Variants in ST6GALNAC5 observed in about 807,000 individuals in gnomAD.
The protein encoded by ST6GALNAC5 is ST6 N-acetylgalactosaminide alpha-2,6-sialyltransferase 5.
In ST6GALNAC5, 27 loss-of-function variants were observed where a neutral mutation model predicts 33.6. That is an observed-to-expected ratio of 0.80 (90% confidence interval 0.59 to 1.11). ST6GALNAC5 has a LOEUF of 1.11. Ranked by LOEUF, ST6GALNAC5 falls within the 50% of genes least tolerant of loss-of-function variation. The pLI is 0.00. For synonymous variants in ST6GALNAC5, 194 were observed against 171.2 expected, an observed-to-expected ratio of 1.13 and a Z score of -1.04; for missense variants, 428 against 454.0, an observed-to-expected ratio of 0.94 and a Z score of 0.52.
At chr1:76,877,510 G>A (rs995262833) in intron 2 of ST6GALNAC5, among the ~76,000 whole-genome samples, 2 of 152,250 alleles carry the variant, frequency 1.3e-5, no homozygotes, top group South Asian at 2.1e-4. Flanking sequence ...ATTGTAGGAG[G>A]GCCCAAATGC....
intron 2 of ST6GALNAC5, among the ~76,000 whole-genome samples, chr1:76,970,578 T>A (rs1648706347): frequency 6.6e-6 from 1 of 152,088 alleles, no homozygotes; most frequent in East Asian, 1.9e-4. Context: ...AATCTATGTG[T>A]GATTGGTGTA....
chr1:76,982,889 A>G (rs1256342479), intron 2 of ST6GALNAC5, among the ~76,000 whole-genome samples: 1 of 152,032 alleles, frequency 6.6e-6, no homozygotes, highest in African/African-American at 2.4e-5. Context: ...ATTTCAACCC[A>G]GATTTCATAT....
chr1:76,940,228 T>C (rs1647301510), intron 2 of ST6GALNAC5, among the ~76,000 whole-genome samples: 1 of 152,006 alleles, frequency 6.6e-6, no homozygotes, highest in Non-Finnish European at 1.5e-5. Flanking sequence ...GAGTACAACT[T>C]TCTGAGTTTG....
At chr1:77,032,160 G>A (rs1456836479) in intron 2 of ST6GALNAC5, among the ~76,000 whole-genome samples, 1 of 152,188 alleles carries the variant, frequency 6.6e-6, no homozygotes, top group Non-Finnish European at 1.5e-5. Flanking sequence ...CACGTGCAAA[G>A]ACCTGAGACC....
chr1:76,960,679 G>A (rs914445113), intron 2 of ST6GALNAC5, among the ~76,000 whole-genome samples: 1 of 152,126 alleles, frequency 6.6e-6, no homozygotes, highest in South Asian at 2.1e-4. Flanking sequence ...CCTCAGGGAT[G>A]CATTCTCTTT....
intron 4 of ST6GALNAC5, among the ~76,000 whole-genome samples, chr1:77,056,936 C>T (rs1407474745): frequency 6.6e-6 from 1 of 152,106 alleles, no homozygotes; most frequent in Non-Finnish European, 1.5e-5. Context: ...ATAAGGGTGG[C>T]TCAGGGCACC....
intron 2 of ST6GALNAC5, among the ~76,000 whole-genome samples, chr1:76,917,452 A>C (rs1348287767): frequency 2.6e-5 from 4 of 152,030 alleles, no homozygotes; most frequent in Admixed American, 6.6e-5. Context: ...AAATCTGTAC[A>C]CTGTGATTCA....
chr1:76,940,874 G>T (rs1647316839), intron 2 of ST6GALNAC5, among the ~76,000 whole-genome samples: 5 of 152,034 alleles, frequency 3.3e-5, no homozygotes, highest in Admixed American at 3.3e-4. Context: ...CATTCCTGAT[G>T]AAAATAAAAC....
intron 2 of ST6GALNAC5, among the ~76,000 whole-genome samples, chr1:76,878,137 T>A (rs889417173): frequency 6.6e-6 from 1 of 152,174 alleles, no homozygotes; most frequent in Non-Finnish European, 1.5e-5. Flanking sequence ...TCCTTGATGG[T>A]GGCACTAATC....
chr1:77,062,711 T>C (rs1048708657), intron 4 of ST6GALNAC5, among the ~76,000 whole-genome samples: 1 of 152,172 alleles, frequency 6.6e-6, no homozygotes, highest in Non-Finnish European at 1.5e-5. Flanking sequence ...GACTTATTAA[T>C]ATGTAGGGTC....
chr1:76,897,319 A>G (rs9725074), intron 2 of ST6GALNAC5, among the ~76,000 whole-genome samples: 75,215 of 151,878 alleles, frequency 0.5, 19,287 homozygotes, highest in African/African-American at 0.62. Context: ...ATATGGGTTT[A>G]GCACCATGGG....
intron 2 of ST6GALNAC5, among the ~76,000 whole-genome samples, chr1:76,997,322 A>G (rs914536150): frequency 4.6e-5 from 7 of 152,182 alleles, no homozygotes; most frequent in African/African-American, 1.4e-4. Flanking sequence ...GTTAGGAACA[A>G]TGGTTCAGAA....
intron 2 of ST6GALNAC5, among the ~76,000 whole-genome samples, chr1:76,948,665 G>A (rs1160443485): frequency 1.3e-5 from 2 of 149,750 alleles, no homozygotes; most frequent in Non-Finnish European, 3.0e-5. Context: ...TTTGGAATAA[G>A]TAAGAATATA....
In ST6GALNAC5 at chr1:76,872,874, C is replaced by G. The variant is rs1653542123; in HGVS notation, c.261+4132C>G. Reference sequence around the variant, plus strand: ...CCTGTTACCACAAAGCATCAAACCCCCAAAATCAGAAAAAGAACACTATTT... The same window carrying G: ...CCTGTTACCACAAAGCATCAAACCCGCAAAATCAGAAAAAGAACACTATTT... On this transcript the variant is annotated intron_variant, in intron 2 of 4. Coordinates refer to ENST00000477717, the MANE Select transcript of ST6GALNAC5 (RefSeq NM_030965.3). 2.0e-5 allele frequency among the ~76,000 whole-genome samples: 3 copies of G among 152,178 alleles called. No homozygotes were observed. The South Asian group carries it at 6.2e-4, about 32-fold the overall frequency.
chr1:77,007,446 C>T lies in ST6GALNAC5; in HGVS notation c.262-36758C>T, dbSNP rs191317754. On this transcript the variant is annotated intron_variant, in intron 2 of 4. Transcript: ENST00000477717. Reference sequence around the variant, plus strand: ...GGTATACAGCTATTGACAAAATAGTCCAAGTTCCTCTTCTCCAGGGACTTA... The same window carrying T: ...GGTATACAGCTATTGACAAAATAGTTCAAGTTCCTCTTCTCCAGGGACTTA... 1.6e-3 allele frequency among the ~76,000 whole-genome samples: 239 copies of T among 152,278 alleles called. 2 individuals are homozygous for T. Among genetic ancestry groups the T allele is most frequent in the Admixed American group, 2.0e-3 (30 of 15,298 alleles).
At chr1:76,931,452 C>T (rs1189867537) in intron 2 of ST6GALNAC5, among the ~76,000 whole-genome samples, 1 of 152,062 alleles carries the variant, frequency 6.6e-6, no homozygotes, top group African/African-American at 2.4e-5. Context: ...CAAATTTAAC[C>T]TCCAAGCATA....
At chr1:76,910,300 T>C (rs1570662599) in intron 2 of ST6GALNAC5, among the ~76,000 whole-genome samples, 1 of 152,046 alleles carries the variant, frequency 6.6e-6, no homozygotes, top group East Asian at 1.9e-4. Context: ...TGCGTAAATA[T>C]ATGCAATCAT....
In ST6GALNAC5 at chr1:77,044,515, C is replaced by T. The variant is rs555085022; in HGVS notation, c.573C>T (p.Leu191=). The part of the protein sequence containing the change: ...GKGQVYNNLH[L]LSQVLPRLKA... ...GCCAGGTCTACAACAACCTGCATCT[C>T]CTGAGCCAGGTGCTGCCCCGGCTGA... Residue 191 remains leucine (L), a synonymous_variant, in exon 3 of 5, where the codon CTC becomes CTT. Transcript: ENST00000477717. The T allele has an allele frequency of 1.2e-6, 2 of 1,612,268 alleles. No individual in the cohort carries two copies. Among genetic ancestry groups the T allele is most frequent in the Non-Finnish European group, 1.7e-6 (2 of 1,179,062 alleles).
chr1:77,057,093 T>A (rs1187951524), intron 4 of ST6GALNAC5, among the ~76,000 whole-genome samples: 1 of 152,176 alleles, frequency 6.6e-6, no homozygotes, highest in Non-Finnish European at 1.5e-5. Flanking sequence ...ATTCTCTCTA[T>A]TCTTCAAACA....
Sources: gnomAD v4.1 joint callset for allele counts (sites outside exome capture counted in the v4.1 genomes callset) on GRCh38, gnomAD v4.1.1 for gene constraint, MANE v1.5 for transcripts, NCBI Gene and HGNC (gene_info 2026-07-23, HGNC 2026-07-21) for gene names.